Variants in RAP1A observed in about 807,000 individuals in gnomAD.
The protein encoded by RAP1A is ras-related protein Rap-1A.
A neutral mutation model predicts 26.4 loss-of-function variants in RAP1A; 6 were observed. That is an observed-to-expected ratio of 0.23 (90% CI 0.12 to 0.45). RAP1A has a LOEUF of 0.45. Among genes scored for constraint, RAP1A ranks in the 20% least tolerant of loss-of-function variants. The pLI is 0.99. For missense variants in RAP1A, 121 were observed against 217.2 expected (o/e 0.56, Z 2.78); for synonymous variants, 73 against 79.4 (o/e 0.92, Z 0.43).
upstream of RAP1A, among the ~76,000 whole-genome samples, chr1:111,615,661 C>G (rs990268170): frequency 1.3e-5 from 2 of 151,714 alleles, no homozygotes; most frequent in Non-Finnish European, 2.9e-5. Context: ...TGAAACCCCG[C>G]CTCTACTAAA....
intron 1 of RAP1A, among the ~76,000 whole-genome samples, chr1:111,582,769 C>T (rs1658283499): frequency 6.6e-6 from 1 of 152,186 alleles, no homozygotes; most frequent in African/African-American, 2.4e-5. Flanking sequence ...CTTCCTAAGG[C>T]ATTTCCTGTT....
At chr1:111,584,010 A>G (rs1463804861) in intron 1 of RAP1A, among the ~76,000 whole-genome samples, 1 of 150,586 alleles carries the variant, frequency 6.6e-6, no homozygotes, top group African/African-American at 2.4e-5. Flanking sequence ...CCTCCCTAGT[A>G]AGCTGGGATT....
At chr1:111,634,235 A>G (rs1156560375) in intron 1 of RAP1A, among the ~76,000 whole-genome samples, 3 of 152,166 alleles carry the variant, frequency 2.0e-5, no homozygotes, top group Non-Finnish European at 4.4e-5. Context: ...TGAAGGACCA[A>G]CTATCTCTTC....
At position 111,563,839 on chromosome 1, in the gene RAP1A, G is replaced by T. The variant is rs1197825174; in HGVS notation, c.-28+21330G>T. 8.7e-6 allele frequency: 14 copies of T among 1,609,780 alleles called. No individual in the cohort carries two copies. The East Asian group carries it at 3.1e-4, about 36-fold the overall frequency. ...TCCCAGCAGCTATATTTTCTGCTATGACTCACTGTGACTCAGGACTCAAGC... is the reference window on the plus strand; with the variant it reads ...TCCCAGCAGCTATATTTTCTGCTATTACTCACTGTGACTCAGGACTCAAGC... On this transcript the variant is annotated intron_variant, in intron 1 of 7. Transcript: ENST00000356415.
At chr1:111,695,956 A>T (rs1661814924) in intron 3 of RAP1A, among the ~76,000 whole-genome samples, 2 of 152,182 alleles carry the variant, frequency 1.3e-5, no homozygotes, top group Admixed American at 1.3e-4. Context: ...TGGGTTCATC[A>T]GTTGTAACAA....
intron 1 of RAP1A, among the ~76,000 whole-genome samples, chr1:111,635,603 C>T (rs545686838): frequency 9.9e-5 from 15 of 152,040 alleles, no homozygotes; most frequent in Admixed American, 6.5e-4. Flanking sequence ...CTCACTCTGT[C>T]GCCCAGGGTG....
At chr1:111,615,829 C>CA (rs34751097), upstream of RAP1A, among the ~76,000 whole-genome samples, 8,387 of 85,692 alleles carry the variant, frequency 0.098, 349 homozygotes, top group Non-Finnish European at 0.11. Context: ...GACTCTGTCT[C>CA]AAAAAAAAAA....
intron 1 of RAP1A, among the ~76,000 whole-genome samples, chr1:111,621,903 G>A (rs909410652): frequency 6.6e-6 from 1 of 151,998 alleles, no homozygotes; most frequent in Non-Finnish European, 1.5e-5. Context: ...AAGAAGGACA[G>A]TATCTACACT....
At position 111,655,588 on chromosome 1, in the gene RAP1A, C is replaced by T. The variant is rs544885234; in HGVS notation, c.-28+35654C>T. 2.6e-5 allele frequency among the ~76,000 whole-genome samples: 4 copies of T among 151,004 alleles called. No individual in the cohort carries two copies. The East Asian group carries it at 7.8e-4, about 29-fold the overall frequency. ...ATTAGGGATATGGTGAAATGGGACC[C>T]ACACATTCCTGATTGGAATGCCAGT... is the stretch of plus-strand genomic sequence containing the variant. On this transcript the variant is annotated intron_variant, in intron 1 of 7. Coordinates refer to ENST00000369709, the MANE Select transcript of RAP1A (RefSeq NM_002884.4).
intron 3 of RAP1A, 132 bp from the exon 4 acceptor site, chr1:111,697,309 C>T (rs1013104213): frequency 1.3e-6 from 2 of 1,517,264 alleles, no homozygotes; most frequent in African/African-American, 1.4e-5. Context: ...AGTTTACCCC[C>T]AGCCATTACA....
intron 1 of RAP1A, among the ~76,000 whole-genome samples, chr1:111,552,899 T>C (rs985499190): frequency 6.6e-6 from 1 of 152,228 alleles, no homozygotes; most frequent in Non-Finnish European, 1.5e-5. Flanking sequence ...CACTCAAAAA[T>C]TGTTAGGCAC....
At chr1:111,593,443 TC>T (rs978069299) in intron 1 of RAP1A, among the ~76,000 whole-genome samples, 3 of 152,114 alleles carry the variant, frequency 2.0e-5, no homozygotes, top group African/African-American at 7.2e-5. Flanking sequence ...TTAGAATGCA[TC>T]CTTTTTTCAA....
chr1:111,688,386 C>G (rs1376571235), intron 1 of RAP1A, among the ~76,000 whole-genome samples: 2 of 146,696 alleles, frequency 1.4e-5, no homozygotes, highest in African/African-American at 5.0e-5. Flanking sequence ...GTGGTGCAAT[C>G]TCGGCTCACT....
intron 1 of RAP1A, among the ~76,000 whole-genome samples, chr1:111,599,140 T>G (rs1401017282): frequency 6.6e-6 from 1 of 152,188 alleles, no homozygotes; most frequent in Non-Finnish European, 1.5e-5. Context: ...CCTATTCTTT[T>G]GTGTTTTTAT....
chr1:111,628,404 G>T (rs1465824377), intron 1 of RAP1A, among the ~76,000 whole-genome samples: 1 of 152,170 alleles, frequency 6.6e-6, no homozygotes, highest in Non-Finnish European at 1.5e-5. Flanking sequence ...TGATTAATTT[G>T]ACAGAAGCCT....
intron 1 of RAP1A, chr1:111,650,304 G>A (rs1660224511): frequency 6.6e-6 from 1 of 151,928 alleles, no homozygotes; most frequent in Non-Finnish European, 1.5e-5. Context: ...ATATCAAAGA[G>A]TTTCTATGCA....
At chr1:111,631,357 T>G (rs1659562425) in intron 1 of RAP1A, among the ~76,000 whole-genome samples, 1 of 152,154 alleles carries the variant, frequency 6.6e-6, no homozygotes, top group Non-Finnish European at 1.5e-5. Flanking sequence ...TATAGAAAGG[T>G]TGGGAGCCAT....
intron 1 of RAP1A, among the ~76,000 whole-genome samples, chr1:111,603,732 T>G (rs1658714778): frequency 6.6e-6 from 1 of 152,178 alleles, no homozygotes. Context: ...ACGAACATCT[T>G]TTAGATTATT....
At chr1:111,698,004 C>T (rs1383892070) in intron 4 of RAP1A, among the ~76,000 whole-genome samples, 1 of 151,942 alleles carries the variant, frequency 6.6e-6, no homozygotes, top group East Asian at 1.9e-4. Context: ...GATGTTAGTA[C>T]ATCATAAGGT....
Sources: allele counts gnomAD v4.1 joint callset (sites outside exome capture counted in the v4.1 genomes callset), GRCh38; gene constraint gnomAD v4.1.1; transcripts MANE v1.5; gene names NCBI Gene and HGNC (gene_info 2026-07-23, HGNC 2026-07-21).